Variants in PEX3 observed in about 807,000 individuals in gnomAD.
PEX3 encodes peroxisomal biogenesis factor 3.
A neutral mutation model predicts 55.8 loss-of-function variants in PEX3; 30 were observed. The ratio of observed to expected loss-of-function variants is 0.54; its 90% CI spans 0.40 to 0.73. The LOEUF (loss-of-function observed/expected upper bound fraction) is 0.73, where lower values mean the gene tolerates loss of function less well. Ranked by LOEUF, PEX3 falls within the 30% of genes least tolerant of loss-of-function variation. The pLI is 0.00. For missense variants in PEX3, 351 were observed against 432.8 expected (o/e 0.81, Z 1.68); for synonymous variants, 135 against 148.4 (o/e 0.91, Z 0.66).
intron 1 of PEX3, among the ~76,000 whole-genome samples, chr6:143,456,586 C>A (rs1488103354): frequency 6.6e-6 from 1 of 152,148 alleles, no homozygotes; most frequent in Non-Finnish European, 1.5e-5. Flanking sequence ...TCTATTCCAA[C>A]CCTCTCACCA....
chr6:143,468,080 A>C, intron 3 of PEX3, 42 bp from the exon 4 acceptor site: 1 of 1,032,144 alleles, frequency 9.7e-7, no homozygotes, highest in Non-Finnish European at 1.5e-6. Flanking sequence ...CTATTAGATT[A>C]TCTAGATTAT....
Position 143,479,347 on chromosome 6 carries a change from C to T in PEX3, c.941+149C>T, listed in dbSNP as rs768211725. ...TTAAACTCTGTTAAACCAACAACTTCTTCACTAGCAGAAGCTCCTTCTTGG... is the reference window on the plus strand; with the variant it reads ...TTAAACTCTGTTAAACCAACAACTTTTTCACTAGCAGAAGCTCCTTCTTGG... On this transcript the variant is annotated intron_variant, in intron 10 of 11. Coordinates refer to ENST00000367591, the MANE Select transcript of PEX3 (RefSeq NM_003630.3). This position sits in a 1 kb window ranked among gnomAD's most constrained non-coding sequence, Gnocchi z 4.6. The T allele has an allele frequency of 1.4e-5, 9 of 628,790 alleles. No homozygotes were observed. In the South Asian group the frequency reaches 1.7e-4, roughly 12 times the overall value. 39.0% of individuals were successfully genotyped at this position (628,790 alleles called of 1,614,324 possible).
At chr6:143,452,780 A>G (rs1363857856) in intron 1 of PEX3, among the ~76,000 whole-genome samples, 1 of 152,208 alleles carries the variant, frequency 6.6e-6, no homozygotes. Flanking sequence ...AAAGTTCTAC[A>G]GTGTGTTAGA....
chr6:143,481,975 A>AT (rs1780247947), intron 10 of PEX3, among the ~76,000 whole-genome samples: 1 of 151,868 alleles, frequency 6.6e-6, no homozygotes, highest in Non-Finnish European at 1.5e-5. Flanking sequence ...CTCTTAAAAA[A>AT]ATATATAAAA....
At position 143,471,130 on chromosome 6, in the gene PEX3, G is replaced by A. The variant is rs113195261; in HGVS notation, c.456+45G>A. On this transcript the variant is annotated intron_variant, in intron 5 of 11. Coordinates refer to ENST00000367591, the MANE Select transcript of PEX3 (RefSeq NM_003630.3). The surrounding 1 kb of genome is among the most constrained non-coding windows in gnomAD (Gnocchi z 5.4). ...ATAGACATTGTTCTTTCCCTCAGGA[G>A]GTTCAAAGTTTAACTTATTTATCCT... 2.7e-5 allele frequency: 42 copies of A among 1,572,728 alleles called. No individual in the cohort carries two copies. The East Asian group carries it at 6.1e-4, about 23-fold the overall frequency.
In PEX3 at chr6:143,479,037, A is replaced by G. The variant is rs1381659106; in HGVS notation, c.819-39A>G. 1 of 1,337,144 alleles carries G rather than the reference A, an allele frequency of 7.5e-7. No homozygotes were observed. The highest frequency in any genetic ancestry group is 1.1e-6 in the Non-Finnish European group (1 of 929,738). 82.8% of individuals were successfully genotyped at this position (1,337,144 alleles called of 1,614,324 possible). On this transcript the variant is annotated intron_variant, in intron 9 of 11. Transcript: ENST00000367591. The surrounding 1 kb of genome is among the most constrained non-coding windows in gnomAD (Gnocchi z 4.6). ...ACTGAATTTGTTTTCTCTTCCATTC[A>G]GAGTCTAAAAAGTAACTTATACTTC...
chr6:143,456,502 G>A (rs921119191), intron 1 of PEX3, among the ~76,000 whole-genome samples: 2 of 152,196 alleles, frequency 1.3e-5, no homozygotes, highest in African/African-American at 4.8e-5. Flanking sequence ...CAGCAGAAAT[G>A]TATTATCTTA....
rs941142567 is a variant in PEX3, at chr6:143,465,961, T to A, written c.288-2161T>A. Among the ~76,000 whole-genome samples, 3 of 152,102 alleles carry A rather than the reference T, an allele frequency of 2.0e-5. No individual in the cohort carries two copies. The highest frequency in any genetic ancestry group is 3.8e-4 in the East Asian group (2 of 5,206). ...TGTTTTCTATATCTGTGGTTTTTTT[T>A]ATTTCATGTTTTCTAGTAATTTATT... On this transcript the variant is annotated intron_variant, in intron 3 of 11. Transcript: ENST00000367591. This position sits in a 1 kb window ranked among gnomAD's most constrained non-coding sequence, Gnocchi z 4.7.
In PEX3 at chr6:143,464,492, A is replaced by G. The variant is rs2128745982; in HGVS notation, c.287+1495A>G. Among the ~76,000 whole-genome samples, 1 of 152,172 alleles carries G rather than the reference A, an allele frequency of 6.6e-6. No homozygotes were observed. Among genetic ancestry groups the G allele is most frequent in the Non-Finnish European group, 1.5e-5 (1 of 67,894 alleles). ...GTAAAAGGAAAATTTAGGAGTATCA[A>G]AAAAACCAAAGGATTAATTTTGATA... On this transcript the variant is annotated intron_variant, in intron 3 of 11. Coordinates refer to ENST00000367591, the MANE Select transcript of PEX3 (RefSeq NM_003630.3). This position sits in a 1 kb window ranked among gnomAD's most constrained non-coding sequence, Gnocchi z 5.8.
At chr6:143,477,560 A>G (rs1780171864) in intron 9 of PEX3, among the ~76,000 whole-genome samples, 1 of 152,136 alleles carries the variant, frequency 6.6e-6, no homozygotes, top group South Asian at 2.1e-4. Flanking sequence ...AAGTGGGTAG[A>G]TGGGTGGGAC....
At position 143,464,828 on chromosome 6, in the gene PEX3, A is replaced by G. The variant is rs1159417253; in HGVS notation, c.287+1831A>G. Among the ~76,000 whole-genome samples the G allele has an allele frequency of 6.6e-6, 1 of 151,894 alleles. No individual in the cohort carries two copies. Among genetic ancestry groups the G allele is most frequent in the Non-Finnish European group, 1.5e-5 (1 of 67,826 alleles). On this transcript the variant is annotated intron_variant, in intron 3 of 11. Coordinates refer to ENST00000367591, the MANE Select transcript of PEX3 (RefSeq NM_003630.3). The surrounding 1 kb of genome is among the most constrained non-coding windows in gnomAD (Gnocchi z 5.8). The stretch of plus-strand genomic sequence containing the variant: ...ATGACTGCTTTTATATTAATTTTAT[A>G]TGAGACTCTGGTCTCATATAAGCCT...
intron 10 of PEX3, among the ~76,000 whole-genome samples, chr6:143,480,868 C>T (rs893647090): frequency 2.0e-5 from 3 of 151,984 alleles, no homozygotes; most frequent in African/African-American, 7.3e-5. Flanking sequence ...CAAAAATTAG[C>T]TGGGCATGCG....
chr6:143,456,175 A>C (rs1051099277), intron 1 of PEX3, among the ~76,000 whole-genome samples: 2 of 152,224 alleles, frequency 1.3e-5, no homozygotes, highest in Admixed American at 1.3e-4. Flanking sequence ...AGGATGAAGA[A>C]ATTTAGACAC....
At position 143,488,591 on chromosome 6, in the gene PEX3, T is replaced by A. The variant is rs1780348313; in HGVS notation, c.1039-552T>A. On this transcript the variant is annotated intron_variant, in intron 11 of 11. Coordinates refer to ENST00000367591, the MANE Select transcript of PEX3 (RefSeq NM_003630.3). The surrounding 1 kb of genome is among the most constrained non-coding windows in gnomAD (Gnocchi z 4.9). Reference sequence around the variant, plus strand: ...TGCCTACATTCATAATTGAAAGAGATACCAGATTTTGGTTAGAAGTTAAAG... The same window carrying A: ...TGCCTACATTCATAATTGAAAGAGAAACCAGATTTTGGTTAGAAGTTAAAG... Among the ~76,000 whole-genome samples the A allele has an allele frequency of 1.3e-5, 2 of 152,102 alleles. 1 individual carries two copies. The highest frequency in any genetic ancestry group is 4.1e-4 in the South Asian group (2 of 4,836).
rs771827830 is a variant in PEX3 at position 143,488,643 on chromosome 6, T to G, written c.1039-500T>G. Among the ~76,000 whole-genome samples the G allele has an allele frequency of 6.6e-6, 1 of 152,134 alleles. No homozygotes were observed. The highest frequency in any genetic ancestry group is 2.4e-5 in the African/African-American group (1 of 41,448). ...AAATGAAGGTGTAATTTTTTTCTTA[T>G]CTTCACATTCGCAAATCCCTTGGGG... On this transcript the variant is annotated intron_variant, in intron 11 of 11. Transcript: ENST00000367591. The surrounding 1 kb of genome is among the most constrained non-coding windows in gnomAD (Gnocchi z 4.9).
Position 143,471,524 on chromosome 6 carries a change from G to A in PEX3, c.524-33G>A, listed in dbSNP as rs748708593. ...TATTATTGAGGAATTTTTAAACTAA[G>A]CAAGGCTTTTAGGTTTGTTTTTTCT... On this transcript the variant is annotated intron_variant, in intron 6 of 11. Coordinates refer to ENST00000367591, the MANE Select transcript of PEX3 (RefSeq NM_003630.3). The surrounding 1 kb of genome is among the most constrained non-coding windows in gnomAD (Gnocchi z 5.4). The A allele has an allele frequency of 6.9e-6, 11 of 1,586,384 alleles. No homozygotes were observed. Among genetic ancestry groups the A allele is most frequent in the African/African-American group, 1.3e-5 (1 of 74,468 alleles).
Position 143,466,577 on chromosome 6 carries a change from A to G in PEX3, c.288-1545A>G, listed in dbSNP as rs1000877297. On this transcript the variant is annotated intron_variant, in intron 3 of 11. Coordinates refer to ENST00000367591, the MANE Select transcript of PEX3 (RefSeq NM_003630.3). This position sits in a 1 kb window ranked among gnomAD's most constrained non-coding sequence, Gnocchi z 5.4. ...ACATAGGTATATATGTATAGGATAA[A>G]ACATAGTATATGTAGGGGTTGGTAC... is the stretch of plus-strand genomic sequence containing the variant. Among the ~76,000 whole-genome samples the G allele has an allele frequency of 2.6e-5, 4 of 152,012 alleles. No individual in the cohort carries two copies. Among genetic ancestry groups the G allele is most frequent in the Admixed American group, 2.6e-4 (4 of 15,248 alleles).
At position 143,476,000 on chromosome 6, in the gene PEX3, C is replaced by G. The variant is rs1780149021; in HGVS notation, c.818+1144C>G. 6.6e-6 allele frequency among the ~76,000 whole-genome samples: 1 copy of G among 152,192 alleles called. No individual in the cohort carries two copies. The highest frequency in any genetic ancestry group is 2.4e-5 in the African/African-American group (1 of 41,442). On this transcript the variant is annotated intron_variant, in intron 9 of 11. Transcript: ENST00000367591. This position sits in a 1 kb window ranked among gnomAD's most constrained non-coding sequence, Gnocchi z 4.4. ...GTTAGTGGGAGAGAAAAATAATCAACTAATAAATTTGATGTAATGTCAAGT... is the reference window on the plus strand; with the variant it reads ...GTTAGTGGGAGAGAAAAATAATCAAGTAATAAATTTGATGTAATGTCAAGT...
rs1779772074 is a variant in PEX3 at position 143,451,841 on chromosome 6, A to C, written c.73+726A>C. 6.6e-6 allele frequency among the ~76,000 whole-genome samples: 1 copy of C among 152,308 alleles called. No homozygotes were observed. The highest frequency in any genetic ancestry group is 2.1e-4 in the South Asian group (1 of 4,826). ...AAATCTTGAGACGCTTTTCCCTCAT[A>C]CAATGCTCATGTGATAATATTCAGG... On this transcript the variant is annotated intron_variant, in intron 1 of 11. Coordinates refer to ENST00000367591, the MANE Select transcript of PEX3 (RefSeq NM_003630.3). This position sits in a 1 kb window ranked among gnomAD's most constrained non-coding sequence, Gnocchi z 4.1.
Sources: gnomAD v4.1 joint callset for allele counts (sites outside exome capture counted in the v4.1 genomes callset) on GRCh38, gnomAD v4.1.1 for gene constraint, Gnocchi (gnomAD v3.1) non-coding constraint, MANE v1.5 for transcripts, NCBI Gene and HGNC (gene_info 2026-07-23, HGNC 2026-07-21) for gene names.